Variants in KLF12 observed in about 807,000 individuals in gnomAD.
KLF12 encodes the protein Krueppel-like factor 12.
A neutral mutation model predicts 37.8 loss-of-function variants in KLF12; 9 were observed. The ratio of observed to expected loss-of-function variants is 0.24; its 90% CI spans 0.14 to 0.42. KLF12 has a LOEUF of 0.42. Among genes scored for constraint, KLF12 ranks in the 10% least tolerant of loss-of-function variants. The pLI, the probability that KLF12 is intolerant of heterozygous loss-of-function variation, is 1.00. For synonymous variants in KLF12, 208 were observed against 202.1 expected (o/e 1.03, Z -0.25); for missense variants, 411 against 516.0 (o/e 0.80, Z 1.97).
intron 1 of KLF12, among the ~76,000 whole-genome samples, chr13:74,007,049 G>A (rs1023441993): frequency 6.6e-6 from 1 of 152,094 alleles, no homozygotes; most frequent in Non-Finnish European, 1.5e-5. Flanking sequence ...TCCTCTGGGA[G>A]GGGTTCCATC....
intron 1 of KLF12, among the ~76,000 whole-genome samples, chr13:74,001,061 A>G (rs1017710780): frequency 1.3e-5 from 2 of 152,202 alleles, no homozygotes; most frequent in Admixed American, 6.5e-5. Flanking sequence ...TTGGACATGC[A>G]CGTAAGTACC....
At chr13:73,957,291 A>G (rs897218284) in intron 2 of KLF12, among the ~76,000 whole-genome samples, 2 of 152,166 alleles carry the variant, frequency 1.3e-5, no homozygotes, top group African/African-American at 2.4e-5. Context: ...TAATTTTATT[A>G]TTTTCCTTAA....
chr13:74,090,208 ATACT>A (rs1181164826), intron 1 of KLF12, among the ~76,000 whole-genome samples: 12 of 152,080 alleles, frequency 7.9e-5, no homozygotes, highest in African/African-American at 1.4e-4. Context: ...AAGTAATGAG[ATACT>A]TAATAATAAA....
the KLF12 span, among the ~76,000 whole-genome samples, chr13:74,161,808 C>T: frequency 0.4 from 61,081 of 152,008 alleles, 13,605 homozygotes; most frequent in East Asian, 0.78. Flanking sequence ...TTCTTTTCTT[C>T]TTGAATGCTC....
At chr13:74,094,947 T>A (rs550873276) in intron 1 of KLF12, among the ~76,000 whole-genome samples, 1 of 152,352 alleles carries the variant, frequency 6.6e-6, no homozygotes, top group South Asian at 2.1e-4. Flanking sequence ...AAACTACATA[T>A]TTCCAGTATA....
At chr13:74,018,355 G>A (rs1050871099) in intron 1 of KLF12, among the ~76,000 whole-genome samples, 3 of 152,094 alleles carry the variant, frequency 2.0e-5, no homozygotes, top group Admixed American at 1.3e-4. Context: ...CAGTTAGACA[G>A]GAGAAATACA....
chr13:74,235,868 C>A, the KLF12 span, among the ~76,000 whole-genome samples: 1 of 151,750 alleles, frequency 6.6e-6, no homozygotes, highest in Non-Finnish European at 1.5e-5. Flanking sequence ...TTTGGATATA[C>A]ACACATTTAC....
chr13:73,749,355 G>A (rs1878586084), intron 6 of KLF12, among the ~76,000 whole-genome samples: 1 of 152,094 alleles, frequency 6.6e-6, no homozygotes. Flanking sequence ...CCTATTTCCA[G>A]AGTTTTAATG....
At chr13:73,766,145 G>C (rs1054675929) in intron 5 of KLF12, among the ~76,000 whole-genome samples, 1 of 152,166 alleles carries the variant, frequency 6.6e-6, no homozygotes, top group African/African-American at 2.4e-5. Flanking sequence ...CTGCAGCTGA[G>C]CTGCTCAGCA....
At chr13:74,150,650 C>T in the KLF12 span, among the ~76,000 whole-genome samples, 1 of 152,160 alleles carries the variant, frequency 6.6e-6, no homozygotes. Flanking sequence ...CACTTGATGG[C>T]ATATCTGAAT....
the KLF12 span, among the ~76,000 whole-genome samples, chr13:74,186,468 G>T: frequency 6.6e-6 from 1 of 152,068 alleles, no homozygotes; most frequent in Non-Finnish European, 1.5e-5. Flanking sequence ...CAGGAACTTT[G>T]GACAGGTTGG....
chr13:73,995,692 C>A (rs1236418778), intron 1 of KLF12, among the ~76,000 whole-genome samples: 2 of 152,050 alleles, frequency 1.3e-5, no homozygotes, highest in Non-Finnish European at 2.9e-5. Flanking sequence ...TCTAAAAGGT[C>A]CAAAATCTCC....
intron 4 of KLF12, among the ~76,000 whole-genome samples, chr13:73,824,272 C>T (rs1028674765): frequency 6.6e-4 from 101 of 152,194 alleles, no homozygotes; most frequent in African/African-American, 2.3e-3. Context: ...GAGATGAGCC[C>T]CGTAGTTGTG....
intron 3 of KLF12, among the ~76,000 whole-genome samples, chr13:73,871,339 T>C (rs753955347): frequency 6.6e-6 from 1 of 152,216 alleles, no homozygotes; most frequent in Non-Finnish European, 1.5e-5. Context: ...TTCTCTTCAA[T>C]GAATAAGCGA....
chr13:73,967,862 T>C (rs1026671094), intron 2 of KLF12, among the ~76,000 whole-genome samples: 1 of 152,166 alleles, frequency 6.6e-6, no homozygotes, highest in African/African-American at 2.4e-5. Flanking sequence ...TCAGTGACGA[T>C]GAAATGCTGC....
At chr13:73,829,203 G>A (rs1009906667) in intron 4 of KLF12, among the ~76,000 whole-genome samples, 3 of 152,168 alleles carry the variant, frequency 2.0e-5, no homozygotes, top group Admixed American at 2.0e-4. Flanking sequence ...ACATGAATAA[G>A]TGAATAGAAA....
chr13:74,259,589 G>GT, the KLF12 span: 2 of 152,074 alleles, frequency 1.3e-5, no homozygotes, highest in Admixed American at 6.5e-5. Flanking sequence ...CCCTCTTAAG[G>GT]TTTTTTCTTT....
chr13:73,811,921 C>T (rs1371178332), intron 5 of KLF12, among the ~76,000 whole-genome samples: 1 of 152,116 alleles, frequency 6.6e-6, no homozygotes, highest in Non-Finnish European at 1.5e-5. Context: ...AATACCAAGG[C>T]TCTCTTTTCT....
chr13:74,095,380 T>TTC (rs1359860828), intron 1 of KLF12, among the ~76,000 whole-genome samples: 2 of 130,614 alleles, frequency 1.5e-5, no homozygotes, highest in African/African-American at 5.5e-5. Context: ...TGTAGTGCCT[T>TTC]TTTTATCGTA....
Sources: allele counts gnomAD v4.1 joint callset (sites outside exome capture counted in the v4.1 genomes callset), GRCh38; gene constraint gnomAD v4.1.1; transcripts MANE v1.5; gene names NCBI Gene and HGNC (gene_info 2026-07-23, HGNC 2026-07-21).